SUPT5H: variants seen among roughly 807,000 people sequenced by gnomAD.
SUPT5H encodes transcription elongation factor SPT5.
Under a neutral mutation model 142.5 loss-of-function variants are expected in SUPT5H, and 24 were observed. The ratio of observed to expected loss-of-function variants is 0.17; its 90% CI spans 0.12 to 0.24. The LOEUF (loss-of-function observed/expected upper bound fraction) is 0.24. Among genes scored for constraint, SUPT5H ranks in the 10% least tolerant of loss-of-function variants. The pLI is 1.00. For missense variants in SUPT5H, 893 were observed against 1,471.8 expected, an observed-to-expected ratio of 0.61 and a Z score of 6.43; for synonymous variants, 546 against 553.0, an observed-to-expected ratio of 0.99 and a Z score of 0.18.
rs1269906405 is a variant in SUPT5H at position 39,464,809 on chromosome 19, C to G, written c.636C>G (p.Ile212Met). 1 of 1,605,730 alleles carries G rather than the reference C, an allele frequency of 6.2e-7. No individual in the cohort carries two copies. Among genetic ancestry groups the G allele is most frequent in the Non-Finnish European group, 8.5e-7 (1 of 1,173,488 alleles). ...GGCTCACCCTGCAGCCCCTGCAGATCAAGTCAGTAGTGGCACCAGAGCATG... is the reference window on the plus strand; with the variant it reads ...GGCTCACCCTGCAGCCCCTGCAGATGAAGTCAGTAGTGGCACCAGAGCATG... ...AYQFTDTPLQIKSVVAPEHVK... is the reference protein window; with the variant it reads ...AYQFTDTPLQMKSVVAPEHVK... Residue 212 changes from isoleucine (I) to methionine (M), a missense_variant, in exon 11 of 30, where the codon ATC (isoleucine) becomes ATG (methionine). Ile to Met is a conservative substitution (Grantham distance 10). This residue lies in a region of SUPT5H where 428 missense variants were observed against 763.5 expected (regional missense o/e 0.56). Transcript: ENST00000432763.
Position 39,458,582 on chromosome 19 carries a change from A to G in SUPT5H, c.320-236A>G. The G allele has an allele frequency of 1.4e-6, 1 of 705,582 alleles. No individual in the cohort carries two copies. Among genetic ancestry groups the G allele is most frequent in the Non-Finnish European group, 2.3e-6 (1 of 430,496 alleles). The allele number at this position is 705,582 out of a possible 1,614,324, so 43.7% of individuals were successfully genotyped here. A position where few individuals can be genotyped will look rare whatever the true frequency, so the allele number is the denominator to read the frequency against. ...CAGTCCAGGGTGTGCCTGGACTTTG[A>G]GATGGGAACAGCTGGAAGCCCCCCA... On this transcript the variant is annotated intron_variant, in intron 5 of 29. Transcript: ENST00000432763. The surrounding 1 kb of genome is among the most constrained non-coding windows in gnomAD (Gnocchi z 4.2).
At position 39,458,571 on chromosome 19, in the gene SUPT5H, C is replaced by T; in HGVS notation, c.320-247C>T. On this transcript the variant is annotated intron_variant, in intron 5 of 29. Transcript: ENST00000432763. The surrounding 1 kb of genome is among the most constrained non-coding windows in gnomAD (Gnocchi z 4.2). ...GGGGTGGGGTGCAGTCCAGGGTGTG[C>T]CTGGACTTTGAGATGGGAACAGCTG... 1.4e-6 allele frequency: 1 copy of T among 731,340 alleles called. No individual in the cohort carries two copies. Among genetic ancestry groups the T allele is most frequent in the Non-Finnish European group, 2.2e-6 (1 of 452,076 alleles). The allele number at this position is 731,340 out of a possible 1,614,324, so 45.3% of individuals were successfully genotyped here.
intron 2 of SUPT5H, among the ~76,000 whole-genome samples, chr19:39,451,092 G>C (rs971150016): frequency 4.1e-5 from 4 of 97,200 alleles, no homozygotes; most frequent in African/African-American, 2.1e-4. Context: ...TCAGATTTTG[G>C]ATTTTTTTTT....
intron 9 of SUPT5H, 61 bp downstream of exon 9, chr19:39,459,650 G>A (rs2146096040): frequency 6.2e-7 from 1 of 1,603,476 alleles, no homozygotes; most frequent in South Asian, 1.1e-5. Context: ...TGCTTTGTGG[G>A]GGAGAAGTGT....
At chr19:39,460,889 C>G (rs904757436) in intron 10 of SUPT5H, among the ~76,000 whole-genome samples, 1 of 152,120 alleles carries the variant, frequency 6.6e-6, no homozygotes, top group Non-Finnish European at 1.5e-5. Flanking sequence ...TGCTAGGGAT[C>G]ATGCTTTCAC....
intron 13 of SUPT5H, chr19:39,467,843 G>C (rs987256714): frequency 3.3e-5 from 5 of 152,232 alleles, no homozygotes; most frequent in African/African-American, 1.2e-4. Flanking sequence ...CTTTGAGTCT[G>C]CACCCAAGGG....
intron 10 of SUPT5H, among the ~76,000 whole-genome samples, 188 bp from the exon 11 acceptor site, chr19:39,464,610 A>G (rs2079210052): frequency 6.6e-6 from 1 of 152,170 alleles, no homozygotes; most frequent in Non-Finnish European, 1.5e-5. Flanking sequence ...GATATTTTTA[A>G]AATTTTTAGT....
chr19:39,464,076 C>A (rs1177852164), intron 10 of SUPT5H, among the ~76,000 whole-genome samples: 5 of 151,612 alleles, frequency 3.3e-5, no homozygotes, highest in Non-Finnish European at 5.9e-5. Flanking sequence ...CTCCACCTCC[C>A]GGGTTCAAGC....
intron 2 of SUPT5H, among the ~76,000 whole-genome samples, chr19:39,448,809 G>A (rs55824805): frequency 0.16 from 24,300 of 151,954 alleles, 2,023 homozygotes; most frequent in Non-Finnish European, 0.17. Context: ...TTCAACAAAT[G>A]TTCTGGCTGG....
chr19:39,465,606 G>A (rs12985456), intron 11 of SUPT5H, among the ~76,000 whole-genome samples: 24,527 of 152,188 alleles, frequency 0.16, 2,039 homozygotes, highest in Non-Finnish European at 0.17. Flanking sequence ...GACGATTATG[G>A]CATCTAGCAG....
rs1378269000 is a variant in SUPT5H at position 39,451,191 on chromosome 19, T to TA, written c.76-2165_76-2164insA. Among the ~76,000 whole-genome samples, 556 of 146,810 alleles carry TA rather than the reference T, an allele frequency of 3.8e-3. 4 individuals are homozygous for TA. The highest frequency in any genetic ancestry group is 0.014 in the African/African-American group (546 of 39,596). On this transcript the variant is annotated intron_variant, in intron 2 of 29. Transcript: ENST00000432763. ...AACATTTACTTTGAGCATGACCTTT[T>TA]TTTTTTTTTTTTTTTGAGACAGAGT...
rs765966617 is a variant in SUPT5H at position 39,469,802 on chromosome 19, C to G, written c.1375-317C>G. ...GTGATGTGTGGGGTGAGGCTGTCTCCGGGTGGGGCTGAGGAGCTGTCCAGT... is the reference window on the plus strand; with the variant it reads ...GTGATGTGTGGGGTGAGGCTGTCTCGGGGTGGGGCTGAGGAGCTGTCCAGT... On this transcript the variant is annotated intron_variant, in intron 16 of 29. Coordinates refer to ENST00000432763, the MANE Select transcript of SUPT5H (RefSeq NM_001111020.3). The surrounding 1 kb of genome is among the most constrained non-coding windows in gnomAD (Gnocchi z 5.1). 1 of 464,950 alleles carries G rather than the reference C, an allele frequency of 2.2e-6. No homozygotes were observed. Among genetic ancestry groups the G allele is most frequent in the Admixed American group, 3.7e-5 (1 of 27,234 alleles). 28.8% of individuals were successfully genotyped at this position (464,950 alleles called of 1,614,324 possible).
Position 39,457,568 on chromosome 19 carries a change from T to G in SUPT5H, c.242-107T>G, listed in dbSNP as rs1600704199. 19 of 1,543,836 alleles carry G rather than the reference T, an allele frequency of 1.2e-5. No homozygotes were observed. In the East Asian group the frequency reaches 3.6e-4, roughly 30 times the overall value. ...CTGTTGGAGCCTCAGTGTCCTGCTC[T>G]GTGCGGTGGGGATTTGTAGTGCACA... On this transcript the variant is annotated intron_variant, in intron 3 of 29. Coordinates refer to ENST00000432763, the MANE Select transcript of SUPT5H (RefSeq NM_001111020.3).
Position 39,472,832 on chromosome 19 carries a change from C to A in SUPT5H, c.2058C>A (p.Ser686Arg). The change falls in exon 22 of 30, where the codon AGC becomes AGA. Residue 686 changes from serine (S) to arginine (R), a missense_variant. Ser to Arg is a moderately radical substitution (Grantham distance 110, BLOSUM62 -1). Around this residue, in one of 6 missense-constraint regions of SUPT5H, gnomAD observed 35 missense variants for 29.7 expected, o/e 1.18. Transcript: ENST00000432763. This position sits in a 1 kb window ranked among gnomAD's most constrained non-coding sequence, Gnocchi z 4.2. The stretch of plus-strand genomic sequence containing the variant: ...CAGGTCAGCGTGGCGGCTTTGGTAG[C>A]CCAGGTGGCGGCAGTGGTGGCATGA... Reference protein sequence around the residue: ...SAGGQRGGFGSPGGGSGGMSR... With the variant: ...SAGGQRGGFGRPGGGSGGMSR... The A allele has an allele frequency of 6.2e-7, 1 of 1,613,360 alleles. No homozygotes were observed. Among genetic ancestry groups the A allele is most frequent in the Non-Finnish European group, 8.5e-7 (1 of 1,179,626 alleles).
At position 39,470,283 on chromosome 19, in the gene SUPT5H, A is replaced by G; in HGVS notation, c.1530+9A>G. On this transcript the variant is annotated intron_variant, in intron 17 of 29. Coordinates refer to ENST00000432763, the MANE Select transcript of SUPT5H (RefSeq NM_001111020.3). This position sits in a 1 kb window ranked among gnomAD's most constrained non-coding sequence, Gnocchi z 5.8. ...ACCTCACCATGCATGAGGTAGGTGG[A>G]TAGAAGGGTCGGGGAAGGGTGCACG... The G allele has an allele frequency of 6.4e-7, 1 of 1,560,946 alleles. No individual in the cohort carries two copies.
chr19:39,460,817 G>C (rs933968774), intron 10 of SUPT5H, among the ~76,000 whole-genome samples: 40 of 152,166 alleles, frequency 2.6e-4, no homozygotes, highest in African/African-American at 9.7e-4. Context: ...TTGGCAGTTT[G>C]GGAACCAGGG....
chr19:39,471,519 T>G lies in SUPT5H; in HGVS notation c.1824+16T>G. The G allele has an allele frequency of 1.2e-6, 2 of 1,614,136 alleles. No homozygotes were observed. Among genetic ancestry groups the G allele is most frequent in the Non-Finnish European group, 8.5e-7 (1 of 1,179,958 alleles). On this transcript the variant is annotated intron_variant, in intron 19 of 29. Transcript: ENST00000432763. ...CCCCCACTCAGTGAGTACAAGTTCC[T>G]GCTTTTGAGCTGCATCTGAAAGAAT...
intron 8 of SUPT5H, 94 bp downstream of exon 8, chr19:39,459,343 G>A (rs1277411176): frequency 1.2e-5 from 17 of 1,472,490 alleles, no homozygotes; most frequent in Non-Finnish European, 1.5e-5. Context: ...ATAAGTCAGG[G>A]CAGAGTCACA....
chr19:39,469,416 T>G lies in SUPT5H; in HGVS notation c.1374+18T>G, dbSNP rs748175073. On this transcript the variant is annotated intron_variant, in intron 16 of 29. Transcript: ENST00000432763. This position sits in a 1 kb window ranked among gnomAD's most constrained non-coding sequence, Gnocchi z 5.1. ...ACCTCAAGGTGGGTGCCCGGTGTTCTCGGGCAGGGGTTGGAGTGTTCAGGC... is the reference window on the plus strand; with the variant it reads ...ACCTCAAGGTGGGTGCCCGGTGTTCGCGGGCAGGGGTTGGAGTGTTCAGGC... 6.2e-7 allele frequency: 1 copy of G among 1,614,172 alleles called. No homozygotes were observed. The highest frequency in any genetic ancestry group is 8.5e-7 in the Non-Finnish European group (1 of 1,180,014).
Sources: allele counts gnomAD v4.1 joint callset (sites outside exome capture counted in the v4.1 genomes callset), GRCh38; gene constraint gnomAD v4.1.1; regional missense constraint gnomAD v4.1.1; non-coding constraint Gnocchi (gnomAD v3.1); transcripts MANE v1.5; gene names NCBI Gene and HGNC (gene_info 2026-07-23, HGNC 2026-07-21).